Variants in BLTP3B observed in about 807,000 individuals in gnomAD.
BLTP3B encodes the protein UHRF1 (ICBP90) binding protein 1-like.
chr12:100,086,672 ATACTT>A, the BLTP3B span, among the ~76,000 whole-genome samples: 6 of 152,306 alleles, frequency 3.9e-5, no homozygotes, highest in African/African-American at 1.4e-4. Flanking sequence ...ATTATTTTAA[ATACTT>A]TAGGTAAACT....
the BLTP3B span, among the ~76,000 whole-genome samples, chr12:100,043,074 C>A: frequency 1.3e-5 from 2 of 152,204 alleles, no homozygotes; most frequent in Non-Finnish European, 2.9e-5. Context: ...GCTGAGATTA[C>A]AGGCGTGAGC....
chr12:100,122,062 G>A, the BLTP3B span, among the ~76,000 whole-genome samples: 1 of 151,916 alleles, frequency 6.6e-6, no homozygotes, highest in Admixed American at 6.6e-5. Flanking sequence ...TTAAGCCCAG[G>A]AGTTCCAGAC....
At chr12:100,044,595 C>T in the BLTP3B span, among the ~76,000 whole-genome samples, 3 of 152,036 alleles carry the variant, frequency 2.0e-5, no homozygotes, top group East Asian at 3.9e-4. Context: ...TAAAGGTGAA[C>T]TAAGTACACA....
At chr12:100,117,491 C>T in the BLTP3B span, among the ~76,000 whole-genome samples, 17 of 152,188 alleles carry the variant, frequency 1.1e-4, 1 homozygote, top group East Asian at 2.3e-3. Flanking sequence ...TTGAGGCAGT[C>T]TCGTTCTGTC....
the BLTP3B span, among the ~76,000 whole-genome samples, chr12:100,074,718 A>G: frequency 6.6e-6 from 1 of 152,124 alleles, no homozygotes; most frequent in Non-Finnish European, 1.5e-5. Context: ...AAAAATTCAT[A>G]TGAAACCCAA....
the BLTP3B span, among the ~76,000 whole-genome samples, chr12:100,079,629 ACC>A: frequency 6.6e-6 from 1 of 152,158 alleles, no homozygotes; most frequent in African/African-American, 2.4e-5. Flanking sequence ...AGAAAAGAAA[ACC>A]CCATTTTCTG....
chr12:100,130,577 T>C, the BLTP3B span, among the ~76,000 whole-genome samples: 57 of 152,296 alleles, frequency 3.7e-4, 1 homozygote, highest in African/African-American at 1.3e-3. Context: ...GATGCCCCTC[T>C]TTATAGTGCA....
the BLTP3B span, chr12:100,037,205 A>G: frequency 1.1e-6 from 1 of 946,970 alleles, no homozygotes; most frequent in Non-Finnish European, 1.3e-6. Context: ...CATTAGTCAT[A>G]AAAGCATTTG....
chr12:100,063,187 C>G, the BLTP3B span, among the ~76,000 whole-genome samples: 1 of 151,982 alleles, frequency 6.6e-6, no homozygotes, highest in Non-Finnish European at 1.5e-5. Context: ...TGGGAGGACC[C>G]GTAGACCCTC....
the BLTP3B span, among the ~76,000 whole-genome samples, chr12:100,048,735 G>GGGGAGAGA: frequency 4.1e-4 from 49 of 119,582 alleles, 3 homozygotes; most frequent in East Asian, 7.2e-4. Context: ...GTAAGGGGGG[G>GGGGAGAGA]GAGAGAGAGA....
At chr12:100,038,246 T>C in the BLTP3B span, among the ~76,000 whole-genome samples, 2 of 152,312 alleles carry the variant, frequency 1.3e-5, no homozygotes, top group Admixed American at 6.5e-5. Flanking sequence ...TCTTGGATGA[T>C]CTTATCTCTC....
At chr12:100,041,793 A>C in the BLTP3B span, among the ~76,000 whole-genome samples, 1 of 152,194 alleles carries the variant, frequency 6.6e-6, no homozygotes, top group Non-Finnish European at 1.5e-5. Flanking sequence ...CAACTGGGCA[A>C]GAAAAACAAT....
At chr12:100,058,266 T>C in the BLTP3B span, 1 of 1,613,804 alleles carries the variant, frequency 6.2e-7, no homozygotes. Flanking sequence ...TGAATCTGTA[T>C]AAAATGAATC....
At chr12:100,135,707 A>C in the BLTP3B span, among the ~76,000 whole-genome samples, 550 of 152,284 alleles carry the variant, frequency 3.6e-3, 4 homozygotes, top group African/African-American at 0.013. Flanking sequence ...TACTGTACTT[A>C]CACAGTATTT....
the BLTP3B span, chr12:100,142,549 G>A: frequency 6.3e-7 from 1 of 1,596,362 alleles, no homozygotes; most frequent in East Asian, 2.3e-5. Flanking sequence ...AGTGCGGGCT[G>A]GGGTGGAGGC....
the BLTP3B span, among the ~76,000 whole-genome samples, chr12:100,048,510 A>G: frequency 6.6e-6 from 1 of 152,220 alleles, no homozygotes; most frequent in African/African-American, 2.4e-5. Flanking sequence ...CTATACATTC[A>G]AATGTTGGCT....
chr12:100,058,694 T>G, the BLTP3B span: 4 of 1,614,008 alleles, frequency 2.5e-6, no homozygotes, highest in Non-Finnish European at 2.5e-6. Context: ...TAAGTAAAAT[T>G]CCAATACAAA....
chr12:100,047,975 T>G, the BLTP3B span: 1 of 1,545,956 alleles, frequency 6.5e-7, no homozygotes. Context: ...GAAACTTGTA[T>G]CTTCATTGGC....
the BLTP3B span, among the ~76,000 whole-genome samples, chr12:100,066,668 G>A: frequency 2.0e-5 from 3 of 151,610 alleles, no homozygotes; most frequent in Non-Finnish European, 4.4e-5. Context: ...GCCAGGCAGG[G>A]TGGCAGGCAC....
Sources: allele counts gnomAD v4.1 joint callset (sites outside exome capture counted in the v4.1 genomes callset), GRCh38; gene constraint gnomAD v4.1.1; transcripts MANE v1.5; gene names NCBI Gene and HGNC (gene_info 2026-07-23, HGNC 2026-07-21).